Variants in IQSEC1 observed in about 807,000 individuals in gnomAD.
IQSEC1 encodes IQ motif and Sec7 domain ArfGEF 1.
IQSEC1 carries 31 observed loss-of-function variants against 91.0 expected under a neutral mutation model. That is an observed-to-expected ratio of 0.34 (90% CI 0.26 to 0.46). The LOEUF (loss-of-function observed/expected upper bound fraction) is 0.46. Among genes scored for constraint, IQSEC1 ranks in the 20% least tolerant of loss-of-function variants. The pLI, the probability that IQSEC1 is intolerant of heterozygous loss-of-function variation, is 1.00. For synonymous variants in IQSEC1, 699 were observed against 662.6 expected (o/e 1.05, Z -0.84); for missense variants, 1,388 against 1,575.6 (o/e 0.88, Z 2.02).
intron 1 of IQSEC1, among the ~76,000 whole-genome samples, chr3:13,247,767 G>A (rs1695131869): frequency 6.6e-6 from 1 of 152,028 alleles, no homozygotes; most frequent in Non-Finnish European, 1.5e-5. Flanking sequence ...ACTTCCTCTG[G>A]GCTGTTGACA....
chr3:12,963,869 C>T (rs1420259118), intron 1 of IQSEC1, among the ~76,000 whole-genome samples: 2 of 152,222 alleles, frequency 1.3e-5, no homozygotes, highest in Admixed American at 6.5e-5. Flanking sequence ...TCCCCTGGGT[C>T]ATACACATCT....
At chr3:13,115,609 C>T (rs6788025) in intron 2 of IQSEC1, among the ~76,000 whole-genome samples, 5,547 of 152,298 alleles carry the variant, frequency 0.036, 345 homozygotes, top group African/African-American at 0.12. Context: ...TGCAGAGTCA[C>T]TCGAGAGGGG....
At chr3:13,264,964 G>C (rs901169204) in intron 1 of IQSEC1, among the ~76,000 whole-genome samples, 1 of 151,840 alleles carries the variant, frequency 6.6e-6, no homozygotes, top group South Asian at 2.1e-4. Context: ...CTGTCTGTCT[G>C]CCTCTCTTTC....
chr3:12,941,640 C>G lies in IQSEC1; in HGVS notation c.249G>C (p.Glu83Asp), dbSNP rs754747708. ...STSILRKQAEEEAIKRSRSLS... is the reference protein window; with the variant it reads ...STSILRKQAEDEAIKRSRSLS... ...GTGAGCGTGAGCGCTTGATGGCCTCCTCCTCAGCCTGCTTGCGCAGGATGG... is the reference window on the plus strand; with the variant it reads ...GTGAGCGTGAGCGCTTGATGGCCTCGTCCTCAGCCTGCTTGCGCAGGATGG... The change falls in exon 2 of 14, where the codon GAG becomes GAC. Residue 83 changes from glutamate to aspartate, a missense_variant. Transcript: ENST00000613206. The G allele has an allele frequency of 6.2e-7, 1 of 1,612,308 alleles. No individual in the cohort carries two copies. Among genetic ancestry groups the G allele is most frequent in the Non-Finnish European group, 8.5e-7 (1 of 1,179,432 alleles).
chr3:13,194,326 T>A (rs1161804445), intron 1 of IQSEC1, among the ~76,000 whole-genome samples: 1 of 152,074 alleles, frequency 6.6e-6, no homozygotes, highest in Admixed American at 6.5e-5. Flanking sequence ...GCTGCAGGTT[T>A]ATTCCCGTGT....
chr3:12,901,574 G>A (rs1010182779), intron 13 of IQSEC1, 52 bp from the exon 14 acceptor site: 12 of 1,424,612 alleles, frequency 8.4e-6, no homozygotes, highest in African/African-American at 1.4e-5. Context: ...AAGCACTTAG[G>A]TCAGAATGAT....
intron 2 of IQSEC1, among the ~76,000 whole-genome samples, chr3:13,114,816 A>C (rs1411837129): frequency 1.3e-5 from 2 of 149,416 alleles, no homozygotes. Flanking sequence ...AAAAAGAATT[A>C]CAAATATGTG....
In IQSEC1 at chr3:12,983,705, C is replaced by T. The variant is rs908610513; in HGVS notation, c.24-41840G>A. On this transcript the variant is annotated intron_variant, in intron 1 of 13. Transcript: ENST00000613206. This position sits in a 1 kb window ranked among gnomAD's most constrained non-coding sequence, Gnocchi z 4.3. ...TGGGCAATTCCTCCCAGCACCTGGG[C>T]GATGCTGTTCAGAGGACAATTTCCC... Among the ~76,000 whole-genome samples the T allele has an allele frequency of 9.2e-5, 14 of 152,188 alleles. No homozygotes were observed. Among genetic ancestry groups the T allele is most frequent in the African/African-American group, 2.4e-4 (10 of 41,436 alleles).
At chr3:12,956,395 T>G (rs1172311990) in intron 1 of IQSEC1, among the ~76,000 whole-genome samples, 1 of 152,234 alleles carries the variant, frequency 6.6e-6, no homozygotes, top group Non-Finnish European at 1.5e-5. Flanking sequence ...CAGCTCTGCA[T>G]GGCTGGTGGG....
chr3:13,043,979 AG>A (rs1232276187), intron 1 of IQSEC1, among the ~76,000 whole-genome samples: 2 of 152,214 alleles, frequency 1.3e-5, no homozygotes, highest in Non-Finnish European at 2.9e-5. Flanking sequence ...GCTGCTGCTC[AG>A]GGGGGTGACA....
intron 1 of IQSEC1, among the ~76,000 whole-genome samples, chr3:13,275,907 C>T (rs1318402332): frequency 3.3e-5 from 5 of 152,198 alleles, no homozygotes; most frequent in Non-Finnish European, 7.3e-5. Flanking sequence ...TCCCCATCCA[C>T]AGAGTTCCAG....
chr3:13,128,312 A>G (rs1706551554), intron 2 of IQSEC1, among the ~76,000 whole-genome samples: 1 of 152,126 alleles, frequency 6.6e-6, no homozygotes, highest in Non-Finnish European at 1.5e-5. Context: ...TTTTTTGTAG[A>G]TGTCCTTTAT....
Position 13,206,314 on chromosome 3 carries a change from T to G in IQSEC1, c.273-42181A>C, listed in dbSNP as rs377254045. 8.7e-4 allele frequency among the ~76,000 whole-genome samples: 132 copies of G among 152,000 alleles called. 1 individual carries two copies. Among genetic ancestry groups the G allele is most frequent in the South Asian group, 4.4e-3 (21 of 4,802 alleles). On this transcript the variant is annotated intron_variant, in intron 1 of 15. Coordinates refer to the IQSEC1 transcript ENST00000648114. The stretch of plus-strand genomic sequence containing the variant: ...TGAAACACATCCCCCTTGGATAAGG[T>G]GGGGTGGGGGGCGCTGTACAGATAC...
chr3:12,913,358 A>C (rs1695748450), intron 9 of IQSEC1, 70 bp downstream of exon 9: 1 of 1,465,100 alleles, frequency 6.8e-7, no homozygotes, highest in Admixed American at 2.0e-5. Context: ...CCCCACGCAG[A>C]CAGCCAGACA....
At chr3:13,073,738 A>G (rs1178515573), upstream of IQSEC1, among the ~76,000 whole-genome samples, 1 of 152,216 alleles carries the variant, frequency 6.6e-6, no homozygotes, top group Non-Finnish European at 1.5e-5. Flanking sequence ...CGAGCCGCGG[A>G]GCTCTCGGGG....
At chr3:13,022,381 C>A in intron 1 of IQSEC1, 1 of 1,144,494 alleles carries the variant, frequency 8.7e-7, no homozygotes, top group Admixed American at 4.8e-5. Context: ...CCAAGCGGCC[C>A]TCACACACTA....
chr3:13,280,495 A>G (rs976558860), intron 1 of IQSEC1, among the ~76,000 whole-genome samples: 1 of 152,066 alleles, frequency 6.6e-6, no homozygotes, highest in African/African-American at 2.4e-5. Context: ...CTGTGAGGGG[A>G]GGAGACTCCA....
chr3:13,201,026 A>G (rs1435861481), intron 1 of IQSEC1, among the ~76,000 whole-genome samples: 1 of 152,178 alleles, frequency 6.6e-6, no homozygotes, highest in Non-Finnish European at 1.5e-5. Flanking sequence ...CACAGCTTCA[A>G]TGACAAGCAG....
chr3:13,110,773 C>T (rs1002845842), intron 2 of IQSEC1, among the ~76,000 whole-genome samples: 8 of 152,216 alleles, frequency 5.3e-5, no homozygotes, highest in African/African-American at 1.2e-4. Flanking sequence ...CAGCCTCAGC[C>T]GCCTGAGATT....
Sources: gnomAD v4.1 joint callset for allele counts (sites outside exome capture counted in the v4.1 genomes callset) on GRCh38, gnomAD v4.1.1 for gene constraint, Gnocchi (gnomAD v3.1) non-coding constraint, MANE v1.5 for transcripts, NCBI Gene and HGNC (gene_info 2026-07-23, HGNC 2026-07-21) for gene names.